AGMAT: variants seen among roughly 807,000 people sequenced by gnomAD.
The protein encoded by AGMAT is agmatinase (putative), also known as guanidino acid hydrolase, mitochondrial.
In AGMAT, 37 loss-of-function variants were observed where a neutral mutation model predicts 29.3. The ratio of observed to expected loss-of-function variants is 1.26; its 90% CI spans 0.97 to 1.66. The LOEUF is 1.66. AGMAT is among the 40% of genes most tolerant of loss of function. The pLI is 0.00. For missense variants in AGMAT, 498 were observed against 497.8 expected, an observed-to-expected ratio of 1.00 and a Z score of 0.00; for synonymous variants, 199 against 200.8, an observed-to-expected ratio of 0.99 and a Z score of 0.08.
In AGMAT at chr1:15,574,775, G is replaced by T; in HGVS notation, c.967C>A (p.Pro323Thr). The part of the protein sequence containing the change: ...VMGCDLVEVS[P>T]PYDLSGNTAL... ...TACTCACCAGAAAGATCATACGGTG[G>T]TGAAACTTCGACAAGATCACAGCCC... Residue 323 changes from proline (P) to threonine (T), a missense_variant, in exon 6 of 7, where the codon CCA (proline) becomes ACA (threonine). Transcript: ENST00000375826. The T allele has an allele frequency of 6.2e-7, 1 of 1,613,828 alleles. No homozygotes were observed. Among genetic ancestry groups the T allele is most frequent in the Non-Finnish European group, 8.5e-7 (1 of 1,179,816 alleles).
intron 4 of AGMAT, 136 bp downstream of exon 4, chr1:15,578,723 T>A (rs555784377): frequency 3.1e-6 from 3 of 981,676 alleles, no homozygotes; most frequent in Middle Eastern, 2.7e-4. Context: ...ATGCCCCTGA[T>A]GATGCAAACT....
chr1:15,582,523 C>A (rs115511567), intron 2 of AGMAT, among the ~76,000 whole-genome samples: 359 of 152,138 alleles, frequency 2.4e-3, no homozygotes, highest in African/African-American at 8.2e-3. Context: ...TCTAACTTGG[C>A]AAAAATGAAT....
In AGMAT at chr1:15,573,578, G is replaced by T; in HGVS notation, c.*73C>A. ...CTTGGCATAAACTCTTTAGTTCTCAGACTGCTTACTCATAAGTTCTTCTTG... is the reference window on the plus strand; with the variant it reads ...CTTGGCATAAACTCTTTAGTTCTCATACTGCTTACTCATAAGTTCTTCTTG... On this transcript the variant is annotated 3_prime_UTR_variant, in exon 7 of 7. Coordinates refer to ENST00000375826, the MANE Select transcript of AGMAT (RefSeq NM_024758.5). 7.1e-7 allele frequency: 1 copy of T among 1,411,558 alleles called. No homozygotes were observed. Among genetic ancestry groups the T allele is most frequent in the South Asian group, 1.2e-5 (1 of 86,296 alleles). The allele number at this position is 1,411,558 out of a possible 1,614,324, so 87.4% of individuals were successfully genotyped here.
Position 15,577,732 on chromosome 1 carries a change from CATAGGCAGG to C in AGMAT, c.844_852del (p.Pro282_Tyr284del). ...ATTTCAGGTGTCCCTGTCCCTGGCGCATAGGCAGGATCCAGAGCGTCAATATCAAAGCTG... is the reference window on the plus strand; with the variant it reads ...ATTTCAGGTGTCCCTGTCCCTGGCGCATCCAGAGCGTCAATATCAAAGCTG... On this transcript the variant is annotated inframe_deletion, in exon 5 of 7. Coordinates refer to ENST00000375826, the MANE Select transcript of AGMAT (RefSeq NM_024758.5). 25 of 1,614,176 alleles carry C rather than the reference CATAGGCAGG, an allele frequency of 1.5e-5. No individual in the cohort carries two copies. The highest frequency in any genetic ancestry group is 2.1e-5 in the Non-Finnish European group (25 of 1,180,012).
chr1:15,583,303 G>T lies in AGMAT; in HGVS notation c.365C>A (p.Ala122Glu). The change falls in exon 2 of 7, where the codon GCA (alanine) becomes GAA (glutamate). Residue 122 changes from alanine (A) to glutamate (E), a missense_variant. Physicochemically the swap from Ala to Glu is moderately radical, Grantham distance 107. Coordinates refer to ENST00000375826, the MANE Select transcript of AGMAT (RefSeq NM_024758.5). ...ATTGACATTCACATCGCCTAGGTCT[G>T]CAACCATGAGGGACTGGAAGGGGAG... ...GALPFQSLMV[A>E]DLGDVNVNLY... 6.2e-7 allele frequency: 1 copy of T among 1,614,138 alleles called. No homozygotes were observed. The highest frequency in any genetic ancestry group is 8.5e-7 in the Non-Finnish European group (1 of 1,180,014).
chr1:15,584,600 G>T, intron 1 of AGMAT, 96 bp downstream of exon 1: 1 of 1,218,718 alleles, frequency 8.2e-7, no homozygotes, highest in African/African-American at 1.6e-5. Context: ...AACTCGACCC[G>T]GGGCCAGCAG....
At position 15,583,399 on chromosome 1, in the gene AGMAT, CAGAA is replaced by C; in HGVS notation, c.273-8_273-5del. On this transcript the variant is annotated splice_region_variant and splice_polypyrimidine_tract_variant and intron_variant, in intron 1 of 6. Coordinates refer to ENST00000375826, the MANE Select transcript of AGMAT (RefSeq NM_024758.5). ...CCGGATGCGGCGAGGTCCGAATCTG[CAGAA>C]GGAAGAATCATCCTGTCAGCCATCA... 6.2e-7 allele frequency: 1 copy of C among 1,610,562 alleles called. No homozygotes were observed. The highest frequency in any genetic ancestry group is 8.5e-7 in the Non-Finnish European group (1 of 1,178,550).
chr1:15,580,093 C>CT lies in AGMAT; in HGVS notation c.524dup (p.His176AlafsTer36). ...CTGGGCCCAAGCCATTTGAGACTTA[C>CT]TTTTTTGCCATCGCTTGCAATATGG... is the stretch of plus-strand genomic sequence containing the variant. On this transcript the variant is annotated frameshift_variant and splice_region_variant. Transcript: ENST00000375826. LOFTEE classifies it high-confidence loss of function. The CT allele has an allele frequency of 5.0e-6, 8 of 1,612,518 alleles. No individual in the cohort carries two copies. The highest frequency in any genetic ancestry group is 2.2e-5 in the South Asian group (2 of 91,048).
Position 15,583,324 on chromosome 1 carries a change from G to A in AGMAT, c.344C>T (p.Pro115Leu). The A allele has an allele frequency of 6.2e-7, 1 of 1,614,146 alleles. No homozygotes were observed. The highest frequency in any genetic ancestry group is 2.2e-5 in the East Asian group (1 of 44,882). The change falls in exon 2 of 7, where the codon CCC becomes CTC. Residue 115 changes from proline to leucine, a missense_variant. By Grantham distance (98) the Pro-to-Leu change is moderately conservative (BLOSUM62 -3). Coordinates refer to ENST00000375826, the MANE Select transcript of AGMAT (RefSeq NM_024758.5). ...GTVNPSTGAL[P>L]FQSLMVADLG... is the part of the protein sequence containing the mutation. ...GTCTGCAACCATGAGGGACTGGAAG[G>A]GGAGGGCCCCCGTGCTAGGATTGAC...
intron 4 of AGMAT, 116 bp from the exon 5 acceptor site, chr1:15,577,980 G>C: frequency 1.0e-6 from 1 of 1,000,730 alleles, no homozygotes; most frequent in East Asian, 2.6e-5. Context: ...TCTCCATGAA[G>C]AGGGAACTAT....
chr1:15,578,896 G>A lies in AGMAT; in HGVS notation c.683C>T (p.Ser228Phe). 1 of 1,614,164 alleles carries A rather than the reference G, an allele frequency of 6.2e-7. No individual in the cohort carries two copies. Among genetic ancestry groups the A allele is most frequent in the Middle Eastern group, 1.6e-4 (1 of 6,062 alleles). The change falls in exon 4 of 7, where the codon TCC becomes TTC. Residue 228 changes from serine to phenylalanine, a missense_variant. By Grantham distance (155) the Ser-to-Phe change is radical. Coordinates refer to ENST00000375826, the MANE Select transcript of AGMAT (RefSeq NM_024758.5). ...GTATCTGTAGGGATCCAAGGTCGTG[G>A]AAGAGCCCCGGATGCCAATCTGCAC... ...RVVQIGIRGS[S>F]TTLDPYRYNR...
chr1:15,582,888 C>T (rs1265785656), intron 2 of AGMAT, among the ~76,000 whole-genome samples: 1 of 152,050 alleles, frequency 6.6e-6, no homozygotes, highest in Non-Finnish European at 1.5e-5. Flanking sequence ...ATCCCAGCTA[C>T]TTGGGAGGCT....
In AGMAT at chr1:15,584,117, C is replaced by T. The variant is rs550595785; in HGVS notation, c.272+579G>A. On this transcript the variant is annotated intron_variant, in intron 1 of 6. Transcript: ENST00000375826. ...CCAGCAAGGCCCCAGGATGGGGACA[C>T]AGAGAAGGTTCAGGCTCCAGAATCC... 2.6e-5 allele frequency among the ~76,000 whole-genome samples: 4 copies of T among 152,266 alleles called. No homozygotes were observed. In the East Asian group the frequency reaches 5.8e-4, roughly 22 times the overall value.
rs1343933803 is a variant in AGMAT at position 15,573,660 on chromosome 1, T to A, written c.1050A>T (p.Thr350=). Reference sequence around the variant, plus strand: ...TTGAAGAGCACAAGACTCAGACGGTTGTCACTTTGGGGAGAGCACATAGCA... The same window carrying A: ...TTGAAGAGCACAAGACTCAGACGGTAGTCACTTTGGGGAGAGCACATAGCA... ...FEMLCALPKV[T]TV is the part of the protein sequence containing the mutation. Residue 350 remains threonine, a synonymous_variant, in exon 7 of 7, where the codon ACA becomes ACT. Transcript: ENST00000375826. The A allele has an allele frequency of 6.2e-7, 1 of 1,614,232 alleles. No individual in the cohort carries two copies. The highest frequency in any genetic ancestry group is 8.5e-7 in the Non-Finnish European group (1 of 1,180,024).
intron 2 of AGMAT, among the ~76,000 whole-genome samples, chr1:15,582,691 A>G (rs1029409690): frequency 6.6e-6 from 1 of 152,180 alleles, no homozygotes; most frequent in African/African-American, 2.4e-5. Context: ...CTCCTCGCAA[A>G]TAAAGTCATT....
Position 15,571,892 on chromosome 1 carries a change from T to C in AGMAT, c.*1759A>G, listed in dbSNP as rs1300679902. ...ATAGAGGGTACATCAACTTGAAGAG[T>C]AGATTGAGTCTTACAGGAAGTGAGT... On this transcript the variant is annotated 3_prime_UTR_variant, in exon 7 of 7. Transcript: ENST00000375826. Among the ~76,000 whole-genome samples the C allele has an allele frequency of 2.6e-5, 4 of 151,948 alleles. No homozygotes were observed. The highest frequency in any genetic ancestry group is 6.6e-5 in the Admixed American group (1 of 15,232).
intron 5 of AGMAT, among the ~76,000 whole-genome samples, chr1:15,576,740 C>CTTTTTTGTTTTTTTTTTTTTTT (rs1639044248): frequency 2.8e-5 from 1 of 35,796 alleles, no homozygotes; most frequent in Non-Finnish European, 5.0e-5. Context: ...GTTTAGTGTT[C>CTTTTTTGTTTTTTTTTTTTTTT]TTTTTTTTTT....
chr1:15,574,095 C>G (rs901462283), intron 6 of AGMAT, among the ~76,000 whole-genome samples: 7 of 152,142 alleles, frequency 4.6e-5, no homozygotes, highest in African/African-American at 1.7e-4. Context: ...TCTTAACCAG[C>G]TAAGTTCCTA....
intron 2 of AGMAT, among the ~76,000 whole-genome samples, 173 bp from the exon 3 acceptor site, chr1:15,580,315 C>T (rs971040593): frequency 6.7e-6 from 1 of 149,544 alleles, no homozygotes; most frequent in Non-Finnish European, 1.5e-5. Flanking sequence ...AAGCGATTCT[C>T]CTGCCTCAGC....
Sources: gnomAD v4.1 joint callset for allele counts (sites outside exome capture counted in the v4.1 genomes callset) on GRCh38, gnomAD v4.1.1 for gene constraint, MANE v1.5 for transcripts, NCBI Gene and HGNC (gene_info 2026-07-23, HGNC 2026-07-21) for gene names.